CHRM3: variants seen among roughly 807,000 people sequenced by gnomAD.
CHRM3 encodes the protein cholinergic receptor muscarinic 3.
A neutral mutation model predicts 41.8 loss-of-function variants in CHRM3; 11 were observed. The ratio of observed to expected loss-of-function variants is 0.26; its 90% CI spans 0.17 to 0.44. The LOEUF (loss-of-function observed/expected upper bound fraction) is 0.44. Ranked by LOEUF, CHRM3 falls within the 20% of genes least tolerant of loss-of-function variation. The pLI, the probability that CHRM3 is intolerant of heterozygous loss-of-function variation, is 1.00. For missense variants in CHRM3, 571 were observed against 745.4 expected (o/e 0.77, Z 2.72); for synonymous variants, 297 against 301.4 (o/e 0.99, Z 0.15).
chr1:239,543,004 A>C (rs1323882109), intron 2 of CHRM3, among the ~76,000 whole-genome samples: 2 of 152,114 alleles, frequency 1.3e-5, no homozygotes, highest in Admixed American at 1.3e-4. Context: ...TTGCCCTTAA[A>C]TGGGGGCGAA....
At chr1:239,735,006 C>T (rs1405095310) in intron 5 of CHRM3, among the ~76,000 whole-genome samples, 1 of 152,018 alleles carries the variant, frequency 6.6e-6, no homozygotes, top group Non-Finnish European at 1.5e-5. Flanking sequence ...GCATTTGCTC[C>T]AAAAGGGTGG....
intron 5 of CHRM3, among the ~76,000 whole-genome samples, chr1:239,783,564 GTAAA>G (rs1668664523): frequency 1.3e-5 from 2 of 152,184 alleles, no homozygotes; most frequent in African/African-American, 4.8e-5. Flanking sequence ...AGAGAAGTGA[GTAAA>G]TAGTCAAACA....
intron 6 of CHRM3, among the ~76,000 whole-genome samples, chr1:239,881,021 C>G (rs1320995483): frequency 1.3e-5 from 2 of 152,106 alleles, no homozygotes; most frequent in African/African-American, 2.4e-5. Context: ...CGGTGGCTCA[C>G]GCCTGTCATC....
chr1:239,761,422 T>C (rs973793146), intron 5 of CHRM3, among the ~76,000 whole-genome samples: 2 of 152,222 alleles, frequency 1.3e-5, no homozygotes, highest in African/African-American at 4.8e-5. Flanking sequence ...CTGCTTTGTT[T>C]ACATGTCTAA....
chr1:239,799,088 A>G (rs1416397932), intron 5 of CHRM3, among the ~76,000 whole-genome samples: 1 of 152,198 alleles, frequency 6.6e-6, no homozygotes, highest in Non-Finnish European at 1.5e-5. Flanking sequence ...AAGACCAGAT[A>G]TGCTGAACAC....
At chr1:239,547,887 A>G (rs993175438) in intron 3 of CHRM3, among the ~76,000 whole-genome samples, 11 of 152,220 alleles carry the variant, frequency 7.2e-5, no homozygotes, top group Non-Finnish European at 1.5e-4. Flanking sequence ...AATGACAAAA[A>G]AAAGTGGTTT....
At chr1:239,792,752 G>A (rs150302680) in intron 5 of CHRM3, among the ~76,000 whole-genome samples, 213 of 152,270 alleles carry the variant, frequency 1.4e-3, no homozygotes, top group African/African-American at 4.8e-3. Context: ...TGAAATAATG[G>A]ACCACAGAAT....
intron 5 of CHRM3, among the ~76,000 whole-genome samples, chr1:239,678,621 C>T (rs1658238107): frequency 6.6e-6 from 1 of 152,094 alleles, no homozygotes; most frequent in Admixed American, 6.6e-5. Context: ...GACTGATACT[C>T]TGGTATGTTA....
At chr1:239,553,148 G>A (rs1660029810) in intron 3 of CHRM3, among the ~76,000 whole-genome samples, 1 of 152,022 alleles carries the variant, frequency 6.6e-6, no homozygotes, top group Non-Finnish European at 1.5e-5. Context: ...TTGTAAGAAT[G>A]ATTTCCAAAG....
In CHRM3 at chr1:239,909,224, G is replaced by A. The variant is rs1680218410; in HGVS notation, c.1773G>A (p.Ter591=). The part of the protein sequence containing the change: ...FHKRAPEQAL[*] ...AGCGCGCACCCGAGCAGGCCTTGTA[G>A]AATGAGGTTGTATCAATAGCAGTGA... Residue 591 remains the stop codon, a stop_retained_variant, in exon 7 of 7, where the codon TAG becomes TAA. Transcript: ENST00000676153. 1.3e-6 allele frequency: 2 copies of A among 1,597,902 alleles called. No individual in the cohort carries two copies. Among genetic ancestry groups the A allele is most frequent in the Non-Finnish European group, 1.7e-6 (2 of 1,173,012 alleles).
Position 239,529,629 on chromosome 1 carries a change from A to C in CHRM3, c.-421-16012A>C, listed in dbSNP as rs12141425. Among the ~76,000 whole-genome samples, 212 of 44,902 alleles carry C rather than the reference A, an allele frequency of 4.7e-3. 1 individual carries two copies. The highest frequency in any genetic ancestry group is 0.022 in the South Asian group (32 of 1,448). The allele number at this position is 44,902 out of a possible 152,430, so 29.5% of individuals were successfully genotyped here. A position where few individuals can be genotyped will look rare whatever the true frequency, so the allele number is the denominator to read the frequency against. Reference sequence around the variant, plus strand: ...CGTCTCAAAAAAAAAAAAAAAAAAAAAACAAACAAACAACAACAATAACAA... The same window carrying C: ...CGTCTCAAAAAAAAAAAAAAAAAAACAACAAACAAACAACAACAATAACAA... On this transcript the variant is annotated intron_variant, in intron 2 of 6. Transcript: ENST00000676153.
At chr1:239,689,660 A>G (rs1320594451) in intron 5 of CHRM3, among the ~76,000 whole-genome samples, 1 of 152,190 alleles carries the variant, frequency 6.6e-6, no homozygotes, top group Non-Finnish European at 1.5e-5. Flanking sequence ...ACAGCGGGAT[A>G]TCTATTGACT....
intron 4 of CHRM3, among the ~76,000 whole-genome samples, chr1:239,637,064 T>C (rs986152552): frequency 2.0e-5 from 3 of 152,242 alleles, no homozygotes; most frequent in Non-Finnish European, 2.9e-5. Flanking sequence ...ATAGTAAGTA[T>C]TGAATTTATA....
chr1:239,415,861 T>G (rs1661458725), intron 1 of CHRM3, among the ~76,000 whole-genome samples: 1 of 152,232 alleles, frequency 6.6e-6, no homozygotes, highest in South Asian at 2.1e-4. Context: ...GATTTAGTGG[T>G]CTTATGTAAA....
At chr1:239,657,849 T>A (rs915338528) in intron 4 of CHRM3, among the ~76,000 whole-genome samples, 1 of 152,144 alleles carries the variant, frequency 6.6e-6, no homozygotes, top group Non-Finnish European at 1.5e-5. Flanking sequence ...GCTTCATTTA[T>A]CTCTTATGTA....
At chr1:239,758,978 T>A (rs537114961) in intron 5 of CHRM3, among the ~76,000 whole-genome samples, 2 of 152,260 alleles carry the variant, frequency 1.3e-5, no homozygotes, top group African/African-American at 4.8e-5. Flanking sequence ...TTGTAAGAAG[T>A]AAGAGAATCA....
intron 2 of CHRM3, among the ~76,000 whole-genome samples, chr1:239,514,488 A>G (rs536917863): frequency 8.5e-5 from 13 of 152,056 alleles, no homozygotes; most frequent in Non-Finnish European, 1.6e-4. Context: ...ATATCCTGAA[A>G]CCTTGCTAAA....
intron 1 of CHRM3, among the ~76,000 whole-genome samples, chr1:239,469,409 C>T (rs149248087): frequency 7.2e-5 from 11 of 152,242 alleles, no homozygotes; most frequent in Admixed American, 6.5e-4. Context: ...GTACCTGGCA[C>T]GTAGAAGGTT....
At chr1:239,454,150 A>G (rs1256689244) in intron 1 of CHRM3, among the ~76,000 whole-genome samples, 7 of 152,078 alleles carry the variant, frequency 4.6e-5, no homozygotes, top group African/African-American at 1.7e-4. Flanking sequence ...GGCAGATCCC[A>G]CAGATGAAGG....
Sources: allele counts gnomAD v4.1 joint callset (sites outside exome capture counted in the v4.1 genomes callset), GRCh38; gene constraint gnomAD v4.1.1; transcripts MANE v1.5; gene names NCBI Gene and HGNC (gene_info 2026-07-23, HGNC 2026-07-21).